The following GOLM1 variants were observed in gnomAD, a reference collection of about 807,000 sequenced individuals.
GOLM1 encodes the protein golgi membrane protein 1, also known as epididymis luminal protein 46.
Under a neutral mutation model 50.5 loss-of-function variants are expected in GOLM1, and 31 were observed. That is an observed-to-expected ratio of 0.61 (90% CI 0.46 to 0.83). The LOEUF is 0.83. Among genes scored for constraint, GOLM1 ranks in the 40% least tolerant of loss-of-function variants. The pLI, the probability that GOLM1 is intolerant of heterozygous loss-of-function variation, is 0.00. For missense variants in GOLM1, 491 were observed against 501.3 expected (o/e 0.98, Z 0.20); for synonymous variants, 178 against 192.8 (o/e 0.92, Z 0.64).
chr9:86,087,180 T>C (rs10735573), intron 1 of GOLM1, among the ~76,000 whole-genome samples: 36,709 of 152,100 alleles, frequency 0.24, 7,527 homozygotes, highest in African/African-American at 0.54. Context: ...CCCTTGTAAG[T>C]TGTACTCTTA....
At chr9:86,082,128 A>C (rs1315938914) in intron 1 of GOLM1, among the ~76,000 whole-genome samples, 5 of 140,126 alleles carry the variant, frequency 3.6e-5, no homozygotes, top group Non-Finnish European at 4.6e-5. Flanking sequence ...TCCCAGGTTC[A>C]TGCCATTCTC....
chr9:86,089,615 T>C (rs1460074954), intron 1 of GOLM1, among the ~76,000 whole-genome samples: 1 of 152,122 alleles, frequency 6.6e-6, no homozygotes, highest in African/African-American at 2.4e-5. Context: ...ATCAGGTCAT[T>C]TATGTTCTTC....
chr9:86,066,877 A>G (rs937308934), intron 3 of GOLM1, among the ~76,000 whole-genome samples: 2 of 152,122 alleles, frequency 1.3e-5, no homozygotes, highest in East Asian at 3.9e-4. Flanking sequence ...GCCACTGAAC[A>G]GCAGTTAGCC....
At chr9:86,034,366 C>T (rs1032686819) in intron 8 of GOLM1, among the ~76,000 whole-genome samples, 1 of 152,148 alleles carries the variant, frequency 6.6e-6, no homozygotes, top group Non-Finnish European at 1.5e-5. Context: ...GTGTCCACCG[C>T]GTTTCTTCAA....
chr9:86,035,484 G>A lies in GOLM1; in HGVS notation c.899C>T (p.Pro300Leu), dbSNP rs781083094. 15 of 1,613,412 alleles carry A rather than the reference G, an allele frequency of 9.3e-6. No homozygotes were observed. Among genetic ancestry groups the A allele is most frequent in the African/African-American group, 1.3e-5 (1 of 74,838 alleles). Residue 300 changes from proline to leucine, a missense_variant, in exon 8 of 10, where the codon CCA (proline) becomes CTA (leucine). By Grantham distance (98) the Pro-to-Leu change is moderately conservative. Coordinates refer to ENST00000388712, the MANE Select transcript of GOLM1 (RefSeq NM_016548.4). ...CACTGACAGGGCAGCCTGCACCTGT[G>A]GGGTCTGGCCCAGTTCTCCGGCTCC... ...FGGAGELGQT[P>L]QVQAALSVSQ...
chr9:86,088,420 G>GTACATATATATATATATATATATATATA (rs1554675516), intron 1 of GOLM1, among the ~76,000 whole-genome samples: 1 of 86,306 alleles, frequency 1.2e-5, no homozygotes. Flanking sequence ...TTTGAAGGGT[G>GTACATATATATATATATATATATATATA]TATATATATA....
chr9:86,091,308 G>A (rs1031552083), intron 1 of GOLM1, among the ~76,000 whole-genome samples: 4 of 152,092 alleles, frequency 2.6e-5, no homozygotes, highest in Non-Finnish European at 4.4e-5. Flanking sequence ...CCTATTCTAA[G>A]TTTATAAACA....
At chr9:86,051,758 C>T (rs1833760760) in intron 4 of GOLM1, among the ~76,000 whole-genome samples, 1 of 152,074 alleles carries the variant, frequency 6.6e-6, no homozygotes, top group South Asian at 2.1e-4. Context: ...ACCCCCGCAG[C>T]CAGGCAGCCT....
chr9:86,050,294 C>T (rs987230163), intron 4 of GOLM1, among the ~76,000 whole-genome samples: 2 of 152,020 alleles, frequency 1.3e-5, no homozygotes, highest in African/African-American at 4.8e-5. Flanking sequence ...ATTTTTGCAT[C>T]GATGTTCATC....
At chr9:86,046,855 T>C (rs1833562480) in intron 4 of GOLM1, among the ~76,000 whole-genome samples, 1 of 152,174 alleles carries the variant, frequency 6.6e-6, no homozygotes, top group South Asian at 2.1e-4. Context: ...TAGCCTTTAA[T>C]GTATATTGGA....
At chr9:86,089,012 C>CA (rs1211798922) in intron 1 of GOLM1, among the ~76,000 whole-genome samples, 18 of 152,256 alleles carry the variant, frequency 1.2e-4, no homozygotes, top group Non-Finnish European at 2.9e-5. Context: ...ACTTATCCTT[C>CA]ACTTATGAAG....
intron 5 of GOLM1, among the ~76,000 whole-genome samples, chr9:86,044,397 A>C (rs1833464280): frequency 6.6e-6 from 1 of 152,210 alleles, no homozygotes; most frequent in Non-Finnish European, 1.5e-5. Flanking sequence ...GCAGGTGGAC[A>C]ATGTTTTGGA....
At position 86,077,561 on chromosome 9, in the gene GOLM1, G is replaced by A. The variant is rs780788709; in HGVS notation, c.160C>T (p.Arg54Cys). Residue 54 changes from arginine to cysteine, a missense_variant, in exon 3 of 10, where the codon CGC (arginine) becomes TGC (cysteine). Transcript: ENST00000388712. Reference protein sequence around the residue: ...TRIMELEGRVRRAAAERGAVE... With the variant: ...TRIMELEGRVCRAAAERGAVE... ...GCGCCTCTCTCTGCAGCCGCCCTGC[G>A]GACCCTGCCTTCCAGCTCCATGATC... is the stretch of plus-strand genomic sequence containing the variant. 23 of 1,613,380 alleles carry A rather than the reference G, an allele frequency of 1.4e-5. No homozygotes were observed. Among genetic ancestry groups the A allele is most frequent in the East Asian group, 2.2e-5 (1 of 44,882 alleles).
chr9:86,099,709 C>T (rs1383695029), upstream of GOLM1, among the ~76,000 whole-genome samples: 2 of 151,756 alleles, frequency 1.3e-5, no homozygotes, highest in Middle Eastern at 3.4e-3. Context: ...CGGTGGCCGC[C>T]CCTCGGCGGG....
intron 9 of GOLM1, 96 bp from the exon 10 acceptor site, chr9:86,027,989 T>C (rs573958279): frequency 1.3e-4 from 86 of 682,538 alleles, no homozygotes; most frequent in Non-Finnish European, 2.0e-4. Flanking sequence ...GAAACTGTCA[T>C]AAAGAGGACT....
chr9:86,088,211 T>C (rs970333275), intron 1 of GOLM1, among the ~76,000 whole-genome samples: 1 of 151,942 alleles, frequency 6.6e-6, no homozygotes, highest in East Asian at 1.9e-4. Flanking sequence ...TTCTAGATTT[T>C]CTAGTTTATT....
intron 3 of GOLM1, among the ~76,000 whole-genome samples, chr9:86,068,535 C>T (rs1834368656): frequency 6.6e-6 from 1 of 152,150 alleles, no homozygotes; most frequent in African/African-American, 2.4e-5. Flanking sequence ...CCTGCCCCTG[C>T]CCAGGTCTCA....
intron 1 of GOLM1, among the ~76,000 whole-genome samples, chr9:86,091,169 G>A (rs551767439): frequency 1.3e-5 from 2 of 152,236 alleles, no homozygotes; most frequent in East Asian, 1.9e-4. Context: ...TGTTGATCTC[G>A]CTGGGAGCTG....
intron 1 of GOLM1, among the ~76,000 whole-genome samples, chr9:86,098,389 C>T (rs977351489): frequency 1.3e-5 from 2 of 152,168 alleles, no homozygotes; most frequent in Non-Finnish European, 2.9e-5. Flanking sequence ...TTTGAGCCAA[C>T]CTGATGGCCA....
Sources: allele counts gnomAD v4.1 joint callset (sites outside exome capture counted in the v4.1 genomes callset), GRCh38; gene constraint gnomAD v4.1.1; transcripts MANE v1.5; gene names NCBI Gene and HGNC (gene_info 2026-07-23, HGNC 2026-07-21).